Variants in NBAS observed in about 807,000 individuals in gnomAD.
NBAS encodes NAG/BC035112 fusion.
NBAS carries 219 observed loss-of-function variants against 302.5 expected under a neutral mutation model. The ratio of observed to expected loss-of-function variants is 0.72; its 90% CI spans 0.65 to 0.81. The LOEUF (loss-of-function observed/expected upper bound fraction) is 0.81, where lower values mean the gene tolerates loss of function less well. Among genes scored for constraint, NBAS ranks in the 30% least tolerant of loss-of-function variants. NBAS has a pLI of 0.00. For synonymous variants in NBAS, 1,118 were observed against 1,021.6 expected, an observed-to-expected ratio of 1.09 and a Z score of -1.80; for missense variants, 2,932 against 2,841.6, an observed-to-expected ratio of 1.03 and a Z score of -0.72.
chr2:15,289,992 T>C (rs1228691307), intron 41 of NBAS, among the ~76,000 whole-genome samples: 3 of 134,122 alleles, frequency 2.2e-5, no homozygotes, highest in Non-Finnish European at 4.6e-5. Context: ...CGAGACTCCA[T>C]CAAAAAGAAA....
At chr2:15,402,058 T>C in intron 26 of NBAS, 110 bp downstream of exon 26, 5 of 1,208,540 alleles carry the variant, frequency 4.1e-6, no homozygotes, top group Non-Finnish European at 6.1e-6. Flanking sequence ...TCCTTATGTT[T>C]TTTTCACATT....
At chr2:15,559,142 C>T (rs1003073157) in intron 1 of NBAS, among the ~76,000 whole-genome samples, 6 of 150,450 alleles carry the variant, frequency 4.0e-5, no homozygotes, top group African/African-American at 1.2e-4. Context: ...GAGCTACAGG[C>T]ACATGTCAGG....
At chr2:15,226,128 T>A (rs1667142328) in intron 47 of NBAS, among the ~76,000 whole-genome samples, 1 of 152,194 alleles carries the variant, frequency 6.6e-6, no homozygotes, top group South Asian at 2.1e-4. Context: ...AAAGAGGTGA[T>A]ATGGTGAGAG....
rs1361597048 is a variant in NBAS at position 15,374,683 on chromosome 2, T to C, written c.3628A>G (p.Ile1210Val). The C allele has an allele frequency of 6.2e-7, 1 of 1,613,952 alleles. No homozygotes were observed. Among genetic ancestry groups the C allele is most frequent in the Admixed American group, 1.7e-5 (1 of 60,020 alleles). Residue 1210 changes from isoleucine (I) to valine (V), a missense_variant, in exon 31 of 52, where the codon ATT (isoleucine) becomes GTT (valine). By Grantham distance (29) the Ile-to-Val change is conservative. Coordinates refer to ENST00000281513, the MANE Select transcript of NBAS (RefSeq NM_015909.4). ...LQLITDRPPA[I>V]QEELDLIQAV... ...TGGATAAGATCTAGCTCCTCTTGAA[T>C]GGCAGGGGGTCTGTCTGTTATCAGT...
At chr2:15,145,060 C>T in the NBAS span, among the ~76,000 whole-genome samples, 1 of 152,042 alleles carries the variant, frequency 6.6e-6, no homozygotes, top group Non-Finnish European at 1.5e-5. Context: ...ATGAAGACGG[C>T]CACACCCTCA....
chr2:15,543,461 A>T (rs1300685978), intron 6 of NBAS, among the ~76,000 whole-genome samples: 1 of 152,174 alleles, frequency 6.6e-6, no homozygotes, highest in African/African-American at 2.4e-5. Flanking sequence ...TTTGTTTGTT[A>T]TATCAGTCCG....
At chr2:14,789,618 A>G in the NBAS span, among the ~76,000 whole-genome samples, 2 of 152,242 alleles carry the variant, frequency 1.3e-5, no homozygotes, top group African/African-American at 4.8e-5. Context: ...ATTCATACTT[A>G]GAGCAAACAC....
the NBAS span, among the ~76,000 whole-genome samples, chr2:15,145,946 A>G: frequency 6.6e-6 from 1 of 152,000 alleles, no homozygotes; most frequent in Non-Finnish European, 1.5e-5. Flanking sequence ...TGGAGAAAAC[A>G]CTCTTTCATT....
chr2:14,972,151 G>A, the NBAS span, among the ~76,000 whole-genome samples: 1 of 152,078 alleles, frequency 6.6e-6, no homozygotes, highest in Admixed American at 6.6e-5. Context: ...TCCTTTGCAG[G>A]GACATGAATG....
At chr2:15,366,368 C>G (rs1214445716) in intron 32 of NBAS, among the ~76,000 whole-genome samples, 1 of 152,152 alleles carries the variant, frequency 6.6e-6, no homozygotes, top group African/African-American at 2.4e-5. Flanking sequence ...CTAGAAAATA[C>G]TAATCCTTGC....
intron 3 of NBAS, 26 bp downstream of exon 3, chr2:15,556,757 G>A (rs1206679802): frequency 6.4e-7 from 1 of 1,564,936 alleles, no homozygotes; most frequent in Non-Finnish European, 8.8e-7. Context: ...TGTTCATACT[G>A]TTTCTCTGAA....
the NBAS span, among the ~76,000 whole-genome samples, chr2:14,840,830 T>A: frequency 6.6e-6 from 1 of 151,972 alleles, no homozygotes; most frequent in African/African-American, 2.4e-5. Context: ...GAAAAATATA[T>A]GAAGGTATAA....
At chr2:15,249,998 T>C (rs1293259618) in intron 44 of NBAS, among the ~76,000 whole-genome samples, 1 of 152,172 alleles carries the variant, frequency 6.6e-6, no homozygotes, top group East Asian at 1.9e-4. Context: ...AGAGCCCACA[T>C]TGCCAAGACA....
At chr2:15,418,579 T>C (rs1044287355) in intron 23 of NBAS, among the ~76,000 whole-genome samples, 4 of 152,208 alleles carry the variant, frequency 2.6e-5, no homozygotes, top group African/African-American at 9.6e-5. Context: ...CAGAGTGCAG[T>C]GAGTGCTGTG....
Position 15,503,118 on chromosome 2 carries a change from T to A in NBAS, c.954+1027A>T, listed in dbSNP as rs551076204. Among the ~76,000 whole-genome samples the A allele has an allele frequency of 2.0e-5, 3 of 152,300 alleles. No homozygotes were observed. In the South Asian group the frequency reaches 6.2e-4, roughly 32 times the overall value. ...CACCGTCTTCTACCTCCACATCTTA[T>A]CCCGCTGGAAGGTCTTTAGGGATGG... On this transcript the variant is annotated intron_variant, in intron 11 of 51. Transcript: ENST00000281513.
the NBAS span, among the ~76,000 whole-genome samples, chr2:14,983,535 A>G: frequency 1.3e-5 from 2 of 152,228 alleles, no homozygotes; most frequent in African/African-American, 4.8e-5. Context: ...CAGGCATGTA[A>G]TAAGGGCCCA....
At chr2:15,561,036 CCAAGGTG>C in intron 1 of NBAS, 145 bp downstream of exon 1, 1 of 699,716 alleles carries the variant, frequency 1.4e-6, no homozygotes, top group South Asian at 1.6e-5. Context: ...CCCCGCTAGC[CCAAGGTG>C]CCGTTGCCAA....
chr2:15,366,266 T>C (rs1270196291), intron 32 of NBAS, among the ~76,000 whole-genome samples: 1 of 152,168 alleles, frequency 6.6e-6, no homozygotes, highest in East Asian at 1.9e-4. Context: ...ACACAACCAT[T>C]TTGAGGCACC....
the NBAS span, among the ~76,000 whole-genome samples, chr2:15,056,476 T>C: frequency 4.6e-5 from 7 of 152,348 alleles, no homozygotes; most frequent in Admixed American, 3.3e-4. Flanking sequence ...AAAGAGGAAA[T>C]GTGGACTCAT....
Sources: allele counts gnomAD v4.1 joint callset (sites outside exome capture counted in the v4.1 genomes callset), GRCh38; gene constraint gnomAD v4.1.1; transcripts MANE v1.5; gene names NCBI Gene and HGNC (gene_info 2026-07-23, HGNC 2026-07-21).